TRPC6: variants seen among roughly 807,000 people sequenced by gnomAD.
TRPC6 encodes the protein transient receptor potential cation channel subfamily C member 6, also known as short transient receptor potential channel 6.
TRPC6 carries 55 observed loss-of-function variants against 90.7 expected under a neutral mutation model. That is an observed-to-expected ratio of 0.61 (90% confidence interval 0.49 to 0.76). The LOEUF (loss-of-function observed/expected upper bound fraction) is 0.76, where lower values mean the gene tolerates loss of function less well. Ranked by LOEUF, TRPC6 falls within the 30% of genes least tolerant of loss-of-function variation. The pLI is 0.00. For missense variants in TRPC6, 989 were observed against 1,122.7 expected, an observed-to-expected ratio of 0.88 and a Z score of 1.70; for synonymous variants, 393 against 393.0, an observed-to-expected ratio of 1.00 and a Z score of 0.00.
At chr11:101,489,242 C>A in intron 3 of TRPC6, 141 bp from the exon 4 acceptor site, 1 of 806,938 alleles carries the variant, frequency 1.2e-6, no homozygotes, top group Non-Finnish European at 2.0e-6. Flanking sequence ...ATCAAATTAA[C>A]AGGCAACAAA....
intron 10 of TRPC6, among the ~76,000 whole-genome samples, chr11:101,457,838 G>A (rs1858919858): frequency 6.6e-6 from 1 of 152,070 alleles, no homozygotes; most frequent in African/African-American, 2.4e-5. Flanking sequence ...AAATACACTG[G>A]ACATTCTATA....
At position 101,471,268 on chromosome 11, in the gene TRPC6, T is replaced by C. The variant is rs761679913; in HGVS notation, c.2324A>G (p.Tyr775Cys). 17 of 1,613,998 alleles carry C rather than the reference T, an allele frequency of 1.1e-5. No homozygotes were observed. Among genetic ancestry groups the C allele is most frequent in the South Asian group, 7.7e-5 (7 of 91,080 alleles). Reference sequence around the variant, plus strand: ...CCATTTTTTAAGCTTCAGTAAGAGATAAAACAGGGACTTTGGACTCGGCAC... The same window carrying C: ...CCATTTTTTAAGCTTCAGTAAGAGACAAAACAGGGACTTTGGACTCGGCAC... Reference protein sequence around the residue: ...NLVPSPKSLFYLLLKLKKWIS... With the variant: ...NLVPSPKSLFCLLLKLKKWIS... The change falls in exon 9 of 13, where the codon TAT becomes TGT. Residue 775 changes from tyrosine (Y) to cysteine (C), a missense_variant. Tyr to Cys is a radical substitution (Grantham distance 194). Around this residue, in one of 4 missense-constraint regions of TRPC6, gnomAD observed 191 missense variants for 196.7 expected, o/e 0.97. Coordinates refer to ENST00000344327, the MANE Select transcript of TRPC6 (RefSeq NM_004621.6).
rs546456976 is a variant in TRPC6, at chr11:101,544,107, C to T, written c.170+39227G>A. Among the ~76,000 whole-genome samples the T allele has an allele frequency of 3.9e-5, 6 of 152,242 alleles. No homozygotes were observed. The South Asian group carries it at 1.2e-3, about 32-fold the overall frequency. On this transcript the variant is annotated intron_variant, in intron 1 of 12. Coordinates refer to ENST00000344327, the MANE Select transcript of TRPC6 (RefSeq NM_004621.6). ...CACTTCTCAAAAGAAGACATTTATGCAGCCAACAAACAAATGAAAAAATGC... is the reference window on the plus strand; with the variant it reads ...CACTTCTCAAAAGAAGACATTTATGTAGCCAACAAACAAATGAAAAAATGC...
chr11:101,461,595 C>T (rs757731558), intron 10 of TRPC6, among the ~76,000 whole-genome samples: 9 of 152,204 alleles, frequency 5.9e-5, no homozygotes, highest in South Asian at 4.1e-4. Flanking sequence ...AAAAATAAAA[C>T]GTTTTGAGTT....
intron 1 of TRPC6, among the ~76,000 whole-genome samples, chr11:101,550,703 A>G (rs1296794310): frequency 6.6e-6 from 1 of 151,790 alleles, no homozygotes; most frequent in African/African-American, 2.4e-5. Context: ...ACATTATAAA[A>G]CACAAACAGA....
At chr11:101,512,382 T>A (rs1473545126) in intron 1 of TRPC6, among the ~76,000 whole-genome samples, 1 of 152,208 alleles carries the variant, frequency 6.6e-6, no homozygotes. Flanking sequence ...ATTTGTATCA[T>A]CATTTCATTT....
At chr11:101,535,217 AGG>A (rs1861013235) in intron 1 of TRPC6, among the ~76,000 whole-genome samples, 1 of 97,304 alleles carries the variant, frequency 1.0e-5, no homozygotes, top group African/African-American at 4.0e-5. Context: ...GAAGGAAGGA[AGG>A]AAGGAAGGAA....
At chr11:101,574,877 T>C (rs752781662) in intron 1 of TRPC6, among the ~76,000 whole-genome samples, 1 of 152,196 alleles carries the variant, frequency 6.6e-6, no homozygotes, top group East Asian at 1.9e-4. Flanking sequence ...GCGATTCCCA[T>C]GAAAAGAACT....
chr11:101,541,384 C>T (rs901622200), intron 1 of TRPC6, among the ~76,000 whole-genome samples: 9 of 151,598 alleles, frequency 5.9e-5, no homozygotes, highest in African/African-American at 9.8e-5. Flanking sequence ...TGTTTTGAGA[C>T]GGAGTTTCGC....
intron 5 of TRPC6, among the ~76,000 whole-genome samples, chr11:101,482,539 T>C (rs769812363): frequency 6.6e-6 from 1 of 152,222 alleles, no homozygotes; most frequent in Non-Finnish European, 1.5e-5. Context: ...TTGGAATAAT[T>C]CTTGGCACAA....
At chr11:101,576,619 G>A (rs1423383344) in intron 1 of TRPC6, among the ~76,000 whole-genome samples, 3 of 152,096 alleles carry the variant, frequency 2.0e-5, no homozygotes, top group Non-Finnish European at 4.4e-5. Flanking sequence ...TAAACAAAGA[G>A]CAATCACACA....
Position 101,488,979 on chromosome 11 carries a change from C to A in TRPC6, c.1251G>T (p.Leu417=), listed in dbSNP as rs1226103480. 1.2e-6 allele frequency: 2 copies of A among 1,614,158 alleles called. No homozygotes were observed. Among genetic ancestry groups the A allele is most frequent in the Non-Finnish European group, 8.5e-7 (1 of 1,180,008 alleles). Residue 417 remains leucine (L), a synonymous_variant, in exon 4 of 13, where the codon CTG becomes CTT. Transcript: ENST00000344327. The part of the protein sequence containing the change: ...FLVVLAVAIG[L]PFLALIYWFA... The stretch of plus-strand genomic sequence containing the variant: ...ACCAGTAAATGAGAGCCAGGAAGGG[C>A]AGTCCAATGGCAACAGCAAGGACCA...
intron 5 of TRPC6, among the ~76,000 whole-genome samples, chr11:101,481,098 G>C (rs1259346510): frequency 6.6e-6 from 1 of 152,086 alleles, no homozygotes; most frequent in African/African-American, 2.4e-5. Flanking sequence ...ATATTCCTAT[G>C]GTAATTTGAA....
chr11:101,583,844 A>C lies in TRPC6; in HGVS notation c.-341T>G. ...AGCGTAAGAGCGGAGAGCAAGGGAG[A>C]CGGAGCTGAAGAGTTACTATGTCAA... On this transcript the variant is annotated 5_prime_UTR_variant, in exon 1 of 13. Transcript: ENST00000344327. The C allele has an allele frequency of 3.8e-6, 1 of 265,568 alleles. No homozygotes were observed. Among genetic ancestry groups the C allele is most frequent in the Non-Finnish European group, 7.1e-6 (1 of 141,204 alleles). 16.5% of individuals were successfully genotyped at this position (265,568 alleles called of 1,614,324 possible). A position where few individuals can be genotyped will look rare whatever the true frequency, so the allele number is the denominator to read the frequency against.
intron 1 of TRPC6, among the ~76,000 whole-genome samples, chr11:101,540,880 C>T (rs6590882): frequency 0.53 from 81,284 of 151,968 alleles, 22,905 homozygotes; most frequent in Middle Eastern, 0.62. Flanking sequence ...ACGCAGGAAT[C>T]GTGAGGATTA....
chr11:101,527,128 A>AT (rs1565230340), intron 1 of TRPC6, among the ~76,000 whole-genome samples: 1 of 152,114 alleles, frequency 6.6e-6, no homozygotes, highest in Non-Finnish European at 1.5e-5. Context: ...AATTTTAATT[A>AT]TTTATTCAGG....
At chr11:101,472,089 T>A in intron 8 of TRPC6, 48 bp downstream of exon 8, 1 of 1,568,352 alleles carries the variant, frequency 6.4e-7, no homozygotes, top group Non-Finnish European at 8.8e-7. Flanking sequence ...GCCCTTGGAA[T>A]AGTTAAAACA....
chr11:101,497,653 G>A (rs956139882), intron 2 of TRPC6, among the ~76,000 whole-genome samples: 24 of 152,150 alleles, frequency 1.6e-4, no homozygotes, highest in Admixed American at 1.5e-3. Flanking sequence ...CAGAATGACA[G>A]AGAAGAGGAC....
chr11:101,577,750 G>A (rs1332258321), intron 1 of TRPC6, among the ~76,000 whole-genome samples: 6 of 152,128 alleles, frequency 3.9e-5, no homozygotes, highest in Non-Finnish European at 7.3e-5. Context: ...CCAGCCAGGA[G>A]TTTTTCCCTT....
Sources: allele counts gnomAD v4.1 joint callset (sites outside exome capture counted in the v4.1 genomes callset), GRCh38; gene constraint gnomAD v4.1.1; regional missense constraint gnomAD v4.1.1; transcripts MANE v1.5; gene names NCBI Gene and HGNC (gene_info 2026-07-23, HGNC 2026-07-21).